Variants in LOC128462377 observed in about 807,000 individuals in gnomAD.
chr16:89,370,278 C>T, the LOC128462377 span, among the ~76,000 whole-genome samples: 1 of 152,178 alleles, frequency 6.6e-6, no homozygotes, highest in Admixed American at 6.5e-5. Context: ...GGCCTGTGCC[C>T]AACTATGTGG....
the LOC128462377 span, among the ~76,000 whole-genome samples, chr16:89,371,806 A>C: frequency 6.6e-6 from 1 of 152,210 alleles, no homozygotes; most frequent in Non-Finnish European, 1.5e-5. Flanking sequence ...CCCTCTGCCC[A>C]GGCCAGCAAT....
At chr16:89,357,374 G>A in the LOC128462377 span, among the ~76,000 whole-genome samples, 2 of 152,286 alleles carry the variant, frequency 1.3e-5, no homozygotes, top group Non-Finnish European at 2.9e-5. Context: ...GAACCAGGGG[G>A]CAGGTGAGCT....
At chr16:89,355,544 C>G in the LOC128462377 span, among the ~76,000 whole-genome samples, 1 of 152,200 alleles carries the variant, frequency 6.6e-6, no homozygotes, top group Non-Finnish European at 1.5e-5. Flanking sequence ...GCTCTGAACG[C>G]TCTCTCTTCC....
At chr16:89,319,102 T>C in the LOC128462377 span, among the ~76,000 whole-genome samples, 80,811 of 152,098 alleles carry the variant, frequency 0.53, 22,014 homozygotes, top group Middle Eastern at 0.74. Flanking sequence ...ATCCAGACTG[T>C]CTGCTCTCAG....
At chr16:89,346,509 A>T in the LOC128462377 span, among the ~76,000 whole-genome samples, 1 of 152,222 alleles carries the variant, frequency 6.6e-6, no homozygotes, top group Non-Finnish European at 1.5e-5. Flanking sequence ...ACTTGATCAC[A>T]CAGACAACTA....
At chr16:89,414,020 C>A in the LOC128462377 span, among the ~76,000 whole-genome samples, 1 of 149,394 alleles carries the variant, frequency 6.7e-6, no homozygotes, top group Non-Finnish European at 1.5e-5. Flanking sequence ...CCAGCCACCA[C>A]CACGGGCCTG....
At chr16:89,350,035 T>A in the LOC128462377 span, among the ~76,000 whole-genome samples, 1 of 152,148 alleles carries the variant, frequency 6.6e-6, no homozygotes, top group East Asian at 1.9e-4. Flanking sequence ...TGAAGACACA[T>A]GCTTCACCAA....
chr16:89,319,638 C>T, the LOC128462377 span, among the ~76,000 whole-genome samples: 18 of 152,334 alleles, frequency 1.2e-4, 1 homozygote, highest in Admixed American at 6.5e-4. Context: ...CTCCATGAAC[C>T]ACCACCCTCA....
chr16:89,403,778 A>G, the LOC128462377 span: 1 of 152,090 alleles, frequency 6.6e-6, no homozygotes, highest in African/African-American at 2.4e-5. Context: ...AGTAAAAATA[A>G]AAAAATTAGG....
the LOC128462377 span, among the ~76,000 whole-genome samples, chr16:89,335,913 A>G: frequency 3.0e-4 from 45 of 152,072 alleles, 1 homozygote; most frequent in Non-Finnish European, 4.4e-5. Context: ...GACTGGCCAG[A>G]CCCCTGCCTG....
At chr16:89,318,484 G>GCTT in the LOC128462377 span, among the ~76,000 whole-genome samples, 1 of 152,244 alleles carries the variant, frequency 6.6e-6, no homozygotes, top group African/African-American at 2.4e-5. Context: ...GGGAGAAGCA[G>GCTT]CTTCTGCAAC....
the LOC128462377 span, among the ~76,000 whole-genome samples, chr16:89,404,665 C>T: frequency 6.6e-6 from 1 of 152,178 alleles, no homozygotes. Context: ...GGGCGAGAAA[C>T]TCTGGATGCC....
chr16:89,345,069 C>G, the LOC128462377 span, among the ~76,000 whole-genome samples: 5 of 152,152 alleles, frequency 3.3e-5, no homozygotes, highest in Non-Finnish European at 7.4e-5. Context: ...CGGATGGTTT[C>G]TCAACCACTC....
chr16:89,388,744 G>C, the LOC128462377 span, among the ~76,000 whole-genome samples: 1 of 152,176 alleles, frequency 6.6e-6, no homozygotes, highest in South Asian at 2.1e-4. Flanking sequence ...GGCTCACACA[G>C]GTCTGGAATG....
At chr16:89,404,080 G>A in the LOC128462377 span, among the ~76,000 whole-genome samples, 2 of 152,246 alleles carry the variant, frequency 1.3e-5, no homozygotes, top group Admixed American at 1.3e-4. Flanking sequence ...AGCAAACGCT[G>A]CATCACATAA....
the LOC128462377 span, among the ~76,000 whole-genome samples, chr16:89,327,013 G>A: frequency 4.6e-5 from 7 of 151,480 alleles, no homozygotes; most frequent in Non-Finnish European, 7.4e-5. Context: ...GAGGGGGAAT[G>A]CAGAGGTGGG....
At chr16:89,328,666 C>G in the LOC128462377 span, among the ~76,000 whole-genome samples, 11 of 148,560 alleles carry the variant, frequency 7.4e-5, no homozygotes, top group African/African-American at 2.8e-4. Flanking sequence ...GAGGCCCCTG[C>G]TGAGTGAGTG....
the LOC128462377 span, chr16:89,328,952 C>T: frequency 3.6e-5 from 5 of 137,558 alleles, no homozygotes; most frequent in Admixed American, 7.2e-5. Flanking sequence ...CCCAGGAGCA[C>T]GGGCGAAATC....
the LOC128462377 span, among the ~76,000 whole-genome samples, chr16:89,369,194 T>G: frequency 1.4e-4 from 22 of 152,182 alleles, no homozygotes; most frequent in Middle Eastern, 3.4e-3. Context: ...CAAGAGAGAA[T>G]ATGAAACAAT....
Sources: allele counts gnomAD v4.1 joint callset (sites outside exome capture counted in the v4.1 genomes callset), GRCh38; gene constraint gnomAD v4.1.1; transcripts MANE v1.5.